LONP2: variants seen among roughly 807,000 people sequenced by gnomAD.
The protein encoded by LONP2 is lon peptidase 2, peroxisomal, also known as lon protease homolog 2, peroxisomal.
In LONP2, 60 loss-of-function variants were observed where a neutral mutation model predicts 85.6. The ratio of observed to expected loss-of-function variants is 0.70; its 90% CI spans 0.57 to 0.87. The LOEUF is 0.87. Ranked by LOEUF, LONP2 falls within the 40% of genes least tolerant of loss-of-function variation. The pLI is 0.00. For missense variants in LONP2, 860 were observed against 1,063.5 expected, an observed-to-expected ratio of 0.81 and a Z score of 2.66; for synonymous variants, 395 against 389.7, an observed-to-expected ratio of 1.01 and a Z score of -0.16.
intron 12 of LONP2, among the ~76,000 whole-genome samples, chr16:48,335,457 T>A (rs1464197584): frequency 7.9e-5 from 12 of 152,230 alleles, no homozygotes; most frequent in Admixed American, 7.9e-4. Context: ...GAAATAGATG[T>A]TAGACTATAA....
At chr16:48,261,683 C>G (rs763011576) in intron 5 of LONP2, 96 bp downstream of exon 5, 9 of 922,478 alleles carry the variant, frequency 9.8e-6, no homozygotes, top group Non-Finnish European at 1.4e-5. Flanking sequence ...ACTGAGGATA[C>G]ATAATACAAA....
At chr16:48,271,347 T>C (rs1972101438) in intron 7 of LONP2, among the ~76,000 whole-genome samples, 2 of 152,212 alleles carry the variant, frequency 1.3e-5, no homozygotes, top group Non-Finnish European at 2.9e-5. Context: ...TTCATAGCAA[T>C]TGTAAGTTGT....
intron 11 of LONP2, among the ~76,000 whole-genome samples, chr16:48,327,764 T>C (rs1596988419): frequency 6.6e-6 from 1 of 152,386 alleles, no homozygotes; most frequent in Middle Eastern, 3.4e-3. Context: ...AGCCTCACTT[T>C]ATTACTTTTA....
At chr16:48,291,023 G>A (rs1418874169) in intron 8 of LONP2, among the ~76,000 whole-genome samples, 1 of 152,176 alleles carries the variant, frequency 6.6e-6, no homozygotes, top group Non-Finnish European at 1.5e-5. Context: ...TTGCATGTCA[G>A]GAAACAAAGA....
intron 6 of LONP2, among the ~76,000 whole-genome samples, chr16:48,263,722 G>C (rs77661016): frequency 0.02 from 3,117 of 152,322 alleles, 46 homozygotes; most frequent in Non-Finnish European, 0.031. Context: ...TGTTTACCCA[G>C]AGGTGGCATT....
At chr16:48,281,520 A>T (rs1972328154) in intron 8 of LONP2, among the ~76,000 whole-genome samples, 2 of 152,282 alleles carry the variant, frequency 1.3e-5, no homozygotes, top group Admixed American at 6.5e-5. Context: ...TAATTAATAG[A>T]CTTGAAAGAA....
At chr16:48,340,796 T>TA (rs1959787766) in intron 12 of LONP2, among the ~76,000 whole-genome samples, 1 of 151,290 alleles carries the variant, frequency 6.6e-6, no homozygotes, top group South Asian at 2.1e-4. Flanking sequence ...CTACAAAAAA[T>TA]ACAAAATATT....
rs1486676138 is a variant in LONP2, at chr16:48,334,372, T to G, written c.1938+14T>G. The G allele has an allele frequency of 3.7e-6, 6 of 1,614,166 alleles. No individual in the cohort carries two copies. Among genetic ancestry groups the G allele is most frequent in the Non-Finnish European group, 5.1e-6 (6 of 1,180,004 alleles). ...TATGAAATGGAGGTGATTCATTCTTTTTATTTCTTTTTGCTCCAGTCAATG... is the reference window on the plus strand; with the variant it reads ...TATGAAATGGAGGTGATTCATTCTTGTTATTTCTTTTTGCTCCAGTCAATG... On this transcript the variant is annotated intron_variant, in intron 12 of 14. Coordinates refer to ENST00000285737, the MANE Select transcript of LONP2 (RefSeq NM_031490.5).
Position 48,261,415 on chromosome 16 carries a change from C to T in LONP2, c.724-9C>T. On this transcript the variant is annotated splice_polypyrimidine_tract_variant and intron_variant, in intron 4 of 14. Coordinates refer to ENST00000285737, the MANE Select transcript of LONP2 (RefSeq NM_031490.5). ...ACATACGGTTTTACTTTTCTGCTTT[C>T]TATGTTAGGTTATAGCAATACGCCC... 6.4e-7 allele frequency: 1 copy of T among 1,552,934 alleles called. No homozygotes were observed. Among genetic ancestry groups the T allele is most frequent in the East Asian group, 2.3e-5 (1 of 42,806 alleles).
At chr16:48,303,090 T>TA in intron 10 of LONP2, 82 bp from the exon 11 acceptor site, 1 of 1,506,044 alleles carries the variant, frequency 6.6e-7, no homozygotes, top group Non-Finnish European at 9.1e-7. Flanking sequence ...TACACTGTTT[T>TA]ACCAAAAATG....
intron 11 of LONP2, among the ~76,000 whole-genome samples, chr16:48,306,158 A>C (rs563159780): frequency 2.0e-5 from 3 of 152,324 alleles, no homozygotes; most frequent in African/African-American, 7.2e-5. Flanking sequence ...GATATAACAG[A>C]AGGTAGAGGA....
chr16:48,338,561 A>C (rs2151027499), intron 12 of LONP2, among the ~76,000 whole-genome samples: 1 of 152,234 alleles, frequency 6.6e-6, no homozygotes, highest in Non-Finnish European at 1.5e-5. Context: ...GGGGAGGGAG[A>C]TGAGGAGAGA....
chr16:48,326,739 CAG>C (rs1959248124), intron 11 of LONP2, among the ~76,000 whole-genome samples: 1 of 152,258 alleles, frequency 6.6e-6, no homozygotes, highest in African/African-American at 2.4e-5. Flanking sequence ...TATTTTTTAA[CAG>C]AGAGCTACTG....
intron 12 of LONP2, among the ~76,000 whole-genome samples, chr16:48,337,682 T>G (rs2151026953): frequency 6.6e-6 from 1 of 152,116 alleles, no homozygotes; most frequent in Non-Finnish European, 1.5e-5. Context: ...TCTTTGCACC[T>G]CACAAGTGGC....
At chr16:48,299,392 C>T (rs1394062464) in intron 9 of LONP2, among the ~76,000 whole-genome samples, 3 of 151,756 alleles carry the variant, frequency 2.0e-5, no homozygotes, top group African/African-American at 7.3e-5. Context: ...TGAGACCAGC[C>T]TGGCCAACTT....
chr16:48,330,158 G>A (rs556534438), intron 11 of LONP2, among the ~76,000 whole-genome samples: 9 of 152,220 alleles, frequency 5.9e-5, no homozygotes, highest in South Asian at 2.1e-4. Flanking sequence ...TTTGGTAACC[G>A]GCTTGTTTTT....
intron 8 of LONP2, among the ~76,000 whole-genome samples, chr16:48,283,432 A>C (rs772187897): frequency 2.4e-4 from 37 of 152,204 alleles, no homozygotes; most frequent in Non-Finnish European, 4.0e-4. Flanking sequence ...AACTCTTGTT[A>C]GGGGCTAATG....
rs771290405 is a variant in LONP2, at chr16:48,303,281, C to T, written c.1771C>T (p.Arg591Cys). 6 of 1,613,824 alleles carry T rather than the reference C, an allele frequency of 3.7e-6. No homozygotes were observed. Among genetic ancestry groups the T allele is most frequent in the South Asian group, 2.2e-5 (2 of 91,070 alleles). ...EGQHKEAKLD[R>C]SDVTEREGCR... ...ACAGCATAAGGAAGCCAAGTTGGAC[C>T]GTTCTGATGTGACTGAGAGAGAAGG... The change falls in exon 11 of 15, where the codon CGT becomes TGT. Residue 591 changes from arginine (R) to cysteine (C), a missense_variant. Coordinates refer to ENST00000285737, the MANE Select transcript of LONP2 (RefSeq NM_031490.5).
At chr16:48,296,247 T>C (rs1972668312) in intron 9 of LONP2, 82 bp downstream of exon 9, 1 of 1,418,370 alleles carries the variant, frequency 7.1e-7, no homozygotes, top group African/African-American at 1.4e-5. Context: ...GAGTTTTGAC[T>C]AAAAGAAGTT....
Sources: gnomAD v4.1 joint callset for allele counts (sites outside exome capture counted in the v4.1 genomes callset) on GRCh38, gnomAD v4.1.1 for gene constraint, MANE v1.5 for transcripts, NCBI Gene and HGNC (gene_info 2026-07-23, HGNC 2026-07-21) for gene names.